The following KIAA0825 variants were observed in gnomAD, a reference collection of about 807,000 sequenced individuals.
KIAA0825 encodes the protein KIAA0825, also known as uncharacterized protein KIAA0825.
Under a neutral mutation model 147.6 loss-of-function variants are expected in KIAA0825, and 119 were observed. That is an observed-to-expected ratio of 0.81 (90% CI 0.69 to 0.94). The LOEUF is 0.94. Among genes scored for constraint, KIAA0825 ranks in the 40% least tolerant of loss-of-function variants. KIAA0825 has a pLI of 0.00. For synonymous variants in KIAA0825, 470 were observed against 518.1 expected (o/e 0.91, Z 1.26); for missense variants, 1,381 against 1,472.7 (o/e 0.94, Z 1.02).
At chr5:94,295,720 CA>C (rs1376213523) in intron 20 of KIAA0825, among the ~76,000 whole-genome samples, 4 of 152,198 alleles carry the variant, frequency 2.6e-5, no homozygotes, top group Non-Finnish European at 4.4e-5. Flanking sequence ...AGGTCCAGTC[CA>C]GACCCTGTTT....
At chr5:94,507,341 A>G (rs1584720320) in intron 5 of KIAA0825, among the ~76,000 whole-genome samples, 2 of 152,214 alleles carry the variant, frequency 1.3e-5, no homozygotes, top group Admixed American at 6.5e-5. Context: ...CCAGCTACTC[A>G]GGAGGCTGAG....
At chr5:94,535,821 C>T (rs192077802) in intron 3 of KIAA0825, among the ~76,000 whole-genome samples, 1 of 152,326 alleles carries the variant, frequency 6.6e-6, no homozygotes, top group East Asian at 1.9e-4. Context: ...TTAGCTAACA[C>T]AGGTGGTTTC....
chr5:94,606,097 A>T (rs1232617216), intron 1 of KIAA0825, among the ~76,000 whole-genome samples: 2 of 152,228 alleles, frequency 1.3e-5, no homozygotes, highest in African/African-American at 4.8e-5. Flanking sequence ...AATCACTAGC[A>T]TTCCTATATA....
intron 20 of KIAA0825, among the ~76,000 whole-genome samples, chr5:94,169,648 G>C (rs1013561096): frequency 8.6e-5 from 13 of 151,534 alleles, no homozygotes; most frequent in Non-Finnish European, 1.9e-4. Flanking sequence ...TCTTCATCGA[G>C]TCACTGCCTA....
intron 14 of KIAA0825, among the ~76,000 whole-genome samples, chr5:94,423,376 TGAAGGGCTCTTTTCGTTG>T (rs1754443332): frequency 2.0e-5 from 3 of 152,210 alleles, no homozygotes; most frequent in Non-Finnish European, 4.4e-5. Context: ...TCAATAACAC[TGAAGGGCTCTTTTCGTTG>T]CATGCATTAT....
chr5:94,572,338 T>G (rs1386502419), intron 2 of KIAA0825, among the ~76,000 whole-genome samples: 2 of 152,206 alleles, frequency 1.3e-5, no homozygotes, highest in Admixed American at 1.3e-4. Flanking sequence ...GCACCCTTCA[T>G]GCTGTTCTTG....
chr5:94,453,570 G>C (rs936052488), intron 12 of KIAA0825, among the ~76,000 whole-genome samples: 4 of 152,052 alleles, frequency 2.6e-5, no homozygotes, highest in African/African-American at 9.7e-5. Context: ...ATGTTAATAG[G>C]TGGCTCAGGG....
At chr5:94,255,276 G>A (rs1337617903) in intron 20 of KIAA0825, among the ~76,000 whole-genome samples, 1 of 151,808 alleles carries the variant, frequency 6.6e-6, no homozygotes, top group Non-Finnish European at 1.5e-5. Context: ...TATTGGGCCT[G>A]TGTCATTGCA....
At chr5:94,197,104 A>C (rs1444044585) in intron 20 of KIAA0825, among the ~76,000 whole-genome samples, 1 of 152,150 alleles carries the variant, frequency 6.6e-6, no homozygotes, top group Admixed American at 6.5e-5. Flanking sequence ...GAGCATTCCC[A>C]TTTTGCCACA....
intron 5 of KIAA0825, among the ~76,000 whole-genome samples, chr5:94,498,203 GTATCA>G (rs769736225): frequency 4.2e-4 from 64 of 152,276 alleles, no homozygotes; most frequent in Admixed American, 9.8e-4. Flanking sequence ...CTTAGGCTAG[GTATCA>G]TATCATATCA....
chr5:94,403,617 C>A lies in KIAA0825; in HGVS notation c.2839G>T (p.Glu947Ter). Reference sequence around the variant, plus strand: ...GTTTCTTTTGGACTATAATTCCATTCCTTTGGCATGCTCTCAAGCAAACAA... The same window carrying A: ...GTTTCTTTTGGACTATAATTCCATTACTTTGGCATGCTCTCAAGCAAACAA... ...PDCLLESMPK[E>*]WNYSPKETNR... Residue 947 changes from glutamate to a stop codon, truncating the protein, a stop_gained, in exon 16 of 21, where the codon GAA becomes TAA. Coordinates refer to ENST00000682413, the MANE Select transcript of KIAA0825 (RefSeq NM_001145678.3). LOFTEE classifies it high-confidence loss of function. 1 of 1,551,444 alleles carries A rather than the reference C, an allele frequency of 6.4e-7. No homozygotes were observed. The highest frequency in any genetic ancestry group is 8.7e-7 in the Non-Finnish European group (1 of 1,146,884).
At chr5:94,519,862 G>C (rs1767830040) in intron 5 of KIAA0825, 1 of 578,266 alleles carries the variant, frequency 1.7e-6, no homozygotes, top group Non-Finnish European at 2.2e-6. Context: ...CTGAGTATAT[G>C]TGCTTATATA....
chr5:94,215,743 C>T (rs375650344), intron 20 of KIAA0825, among the ~76,000 whole-genome samples: 5 of 152,040 alleles, frequency 3.3e-5, no homozygotes, highest in Non-Finnish European at 5.9e-5. Flanking sequence ...CTTGATTCCT[C>T]GCACTCTTCT....
At chr5:94,580,238 G>A (rs751593710) in intron 2 of KIAA0825, among the ~76,000 whole-genome samples, 5 of 152,154 alleles carry the variant, frequency 3.3e-5, no homozygotes, top group African/African-American at 4.8e-5. Context: ...CAATCAAGAA[G>A]AAGATGAGAG....
In KIAA0825 at chr5:94,184,726, T is replaced by A. The variant is rs576867837; in HGVS notation, c.3711-30602A>T. Among the ~76,000 whole-genome samples the A allele has an allele frequency of 8.5e-5, 13 of 152,274 alleles. No homozygotes were observed. The South Asian group carries it at 2.7e-3, about 32-fold the overall frequency. ...TTATATATACACATATACACACACATACACAAGTCTTTAAAAAATATTAGG... is the reference window on the plus strand; with the variant it reads ...TTATATATACACATATACACACACAAACACAAGTCTTTAAAAAATATTAGG... On this transcript the variant is annotated intron_variant, in intron 20 of 20. Transcript: ENST00000682413.
At chr5:94,520,141 A>G (rs1329852486) in intron 5 of KIAA0825, 107 bp downstream of exon 5, 4 of 1,285,618 alleles carry the variant, frequency 3.1e-6, no homozygotes, top group Non-Finnish European at 4.0e-6. Flanking sequence ...TTCATTTTCT[A>G]ATTTTCATGT....
intron 20 of KIAA0825, among the ~76,000 whole-genome samples, chr5:94,176,642 TA>T (rs200463313): frequency 6.6e-6 from 1 of 151,918 alleles, no homozygotes; most frequent in South Asian, 2.1e-4. Context: ...TTAAAAAGCA[TA>T]AAAAAAATCT....
rs1453781884 is a variant in KIAA0825, at chr5:94,524,047, T to TG, written c.182dup (p.Gly62ArgfsTer9). 2 of 1,609,820 alleles carry TG rather than the reference T, an allele frequency of 1.2e-6. No homozygotes were observed. Among genetic ancestry groups the TG allele is most frequent in the Non-Finnish European group, 1.7e-6 (2 of 1,177,310 alleles). On this transcript the variant is annotated frameshift_variant, in exon 4 of 21. Transcript: ENST00000682413. LOFTEE classifies it high-confidence loss of function. ...CAGTTGTTGTTTGCAGCTGCACACC[T>TG]GGACATTGTTTGTTAATTTCGGACT...
intron 20 of KIAA0825, among the ~76,000 whole-genome samples, chr5:94,204,629 T>C (rs1771987071): frequency 6.6e-6 from 1 of 152,222 alleles, no homozygotes; most frequent in African/African-American, 2.4e-5. Context: ...CATAAGCTGA[T>C]TGAATGGTTT....
Sources: allele counts gnomAD v4.1 joint callset (sites outside exome capture counted in the v4.1 genomes callset), GRCh38; gene constraint gnomAD v4.1.1; transcripts MANE v1.5; gene names NCBI Gene and HGNC (gene_info 2026-07-23, HGNC 2026-07-21).